Variants in USP46 observed in about 807,000 individuals in gnomAD.
The protein encoded by USP46 is ubiquitin specific peptidase 46, also known as ubiquitin carboxyl-terminal hydrolase 46.
Under a neutral mutation model 44.4 loss-of-function variants are expected in USP46, and 12 were observed. That is an observed-to-expected ratio of 0.27 (90% CI 0.17 to 0.44). The LOEUF is 0.44. USP46 is among the 20% of genes least tolerant of loss of function. The pLI is 1.00. For missense variants in USP46, 248 were observed against 444.8 expected, an observed-to-expected ratio of 0.56 and a Z score of 3.98; for synonymous variants, 155 against 161.5, an observed-to-expected ratio of 0.96 and a Z score of 0.31.
intron 5 of USP46, among the ~76,000 whole-genome samples, chr4:52,607,168 G>A (rs1423901787): frequency 2.6e-5 from 4 of 152,196 alleles, no homozygotes; most frequent in Admixed American, 2.6e-4. Flanking sequence ...GACCCAGACA[G>A]GTGGAAATAT....
At chr4:52,606,011 T>C (rs1716673805) in intron 5 of USP46, among the ~76,000 whole-genome samples, 1 of 152,214 alleles carries the variant, frequency 6.6e-6, no homozygotes. Context: ...CCCTATCACA[T>C]TGCCGTCTTA....
Position 52,627,888 on chromosome 4 carries a change from T to C in USP46, c.331+62A>G, listed in dbSNP as rs1001915767. ...ATGCCAGCTCTTCCTTTTGAGGAGATACAGAACCATCAATTCTCCTTATTT... is the reference window on the plus strand; with the variant it reads ...ATGCCAGCTCTTCCTTTTGAGGAGACACAGAACCATCAATTCTCCTTATTT... On this transcript the variant is annotated intron_variant, in intron 3 of 8. Coordinates refer to ENST00000441222, the MANE Select transcript of USP46 (RefSeq NM_022832.4). The C allele has an allele frequency of 1.6e-5, 24 of 1,523,996 alleles. No homozygotes were observed. The African/African-American group carries it at 2.7e-4, about 17-fold the overall frequency. 94.4% of individuals were successfully genotyped at this position (1,523,996 alleles called of 1,614,324 possible).
Position 52,628,179 on chromosome 4 carries a change from A to T in USP46, c.118-16T>A, listed in dbSNP as rs1324564135. 10 of 1,610,738 alleles carry T rather than the reference A, an allele frequency of 6.2e-6. No homozygotes were observed. In the South Asian group the frequency reaches 1.1e-4, roughly 18 times the overall value. ...TGTTTCCAAACTGCCAAGGGACAAGAGGGATGGCTCAAGTCATTGCCTGGG... is the reference window on the plus strand; with the variant it reads ...TGTTTCCAAACTGCCAAGGGACAAGTGGGATGGCTCAAGTCATTGCCTGGG... On this transcript the variant is annotated splice_polypyrimidine_tract_variant and intron_variant, in intron 2 of 8. Coordinates refer to ENST00000441222, the MANE Select transcript of USP46 (RefSeq NM_022832.4).
intron 1 of USP46, among the ~76,000 whole-genome samples, chr4:52,638,933 A>T (rs1249017828): frequency 1.3e-5 from 2 of 152,098 alleles, no homozygotes; most frequent in Non-Finnish European, 2.9e-5. Context: ...CTTCCCTTTT[A>T]TAGACACATA....
chr4:52,629,153 TTG>T lies in USP46; in HGVS notation c.118-992_118-991del, dbSNP rs538559759. 9.2e-5 allele frequency among the ~76,000 whole-genome samples: 14 copies of T among 152,378 alleles called. No homozygotes were observed. In the South Asian group the frequency reaches 2.9e-3, roughly 32 times the overall value. ...CACCTTCTCAAAACTGGTTGTTGGC[TTG>T]TGTGTCGTTTACCCAAGAGCGAGAC... is the stretch of plus-strand genomic sequence containing the variant. On this transcript the variant is annotated intron_variant, in intron 2 of 8. Coordinates refer to ENST00000441222, the MANE Select transcript of USP46 (RefSeq NM_022832.4).
chr4:52,656,513 A>T, intron 1 of USP46: 2 of 1,425,086 alleles, frequency 1.4e-6, no homozygotes, highest in South Asian at 3.1e-5. Flanking sequence ...GGAGGTGTTT[A>T]TATTAGTGGT....
chr4:52,633,002 G>GAAAGAAAAGA (rs1717969436), intron 1 of USP46, among the ~76,000 whole-genome samples: 1 of 117,026 alleles, frequency 8.5e-6, no homozygotes, highest in East Asian at 2.4e-4. Flanking sequence ...AAGAAAGAAA[G>GAAAGAAAAGA]AAAGAAAGAA....
In USP46 at chr4:52,615,025, G is replaced by T. The variant is rs948117616; in HGVS notation, c.562-4408C>A. On this transcript the variant is annotated intron_variant, in intron 4 of 8. Transcript: ENST00000441222. ...AAAATACACCCAGGCATGCGAAAAT[G>T]TACTCAGAAAAGATCAAGAGGAAAA... is the stretch of plus-strand genomic sequence containing the variant. Among the ~76,000 whole-genome samples, 12 of 151,952 alleles carry T rather than the reference G, an allele frequency of 7.9e-5. No individual in the cohort carries two copies. The South Asian group carries it at 8.3e-4, about 11-fold the overall frequency.
At chr4:52,653,975 G>A (rs933895426) in intron 1 of USP46, among the ~76,000 whole-genome samples, 25 of 152,318 alleles carry the variant, frequency 1.6e-4, no homozygotes, top group African/African-American at 6.0e-4. Context: ...TTTATGGTAT[G>A]AGTGAACTGA....
At chr4:52,644,719 T>A (rs1577694887) in intron 1 of USP46, among the ~76,000 whole-genome samples, 2 of 144,950 alleles carry the variant, frequency 1.4e-5, no homozygotes, top group South Asian at 4.4e-4. Flanking sequence ...GGGACCGCTA[T>A]CTTACATGAT....
At chr4:52,630,574 G>A (rs1414801761) in intron 2 of USP46, among the ~76,000 whole-genome samples, 1 of 151,882 alleles carries the variant, frequency 6.6e-6, no homozygotes, top group African/African-American at 2.4e-5. Context: ...GCAAAACCCT[G>A]TCTCTACTAA....
rs542424008 is a variant in USP46, at chr4:52,642,281, T to G, written c.37-11137A>C. 2.0e-5 allele frequency among the ~76,000 whole-genome samples: 3 copies of G among 152,374 alleles called. No individual in the cohort carries two copies. The East Asian group carries it at 5.8e-4, about 29-fold the overall frequency. On this transcript the variant is annotated intron_variant, in intron 1 of 8. Coordinates refer to ENST00000441222, the MANE Select transcript of USP46 (RefSeq NM_022832.4). ...CTGTTCTAGGGATTTTACTTGTATT[T>G]CATTCATTTTCATCTTCATAATAAC...
At chr4:52,643,003 T>C (rs1448353141) in intron 1 of USP46, among the ~76,000 whole-genome samples, 1 of 151,808 alleles carries the variant, frequency 6.6e-6, no homozygotes, top group Non-Finnish European at 1.5e-5. Flanking sequence ...CTTGGTAACA[T>C]AGCTTATCTC....
chr4:52,625,430 A>G (rs944956275), intron 4 of USP46, among the ~76,000 whole-genome samples: 3 of 152,194 alleles, frequency 2.0e-5, no homozygotes, highest in Non-Finnish European at 2.9e-5. Context: ...TAAACATGCC[A>G]AGAAAATATG....
intron 4 of USP46, among the ~76,000 whole-genome samples, chr4:52,611,405 G>C (rs1013532516): frequency 1.3e-5 from 2 of 152,212 alleles, no homozygotes; most frequent in African/African-American, 4.8e-5. Context: ...TGACAACCCT[G>C]GGGTTTTACT....
At chr4:52,599,638 A>G (rs1716383720) in intron 7 of USP46, among the ~76,000 whole-genome samples, 1 of 152,228 alleles carries the variant, frequency 6.6e-6, no homozygotes, top group Admixed American at 6.5e-5. Context: ...AAGGACAACT[A>G]AGCACCTGTT....
intron 5 of USP46, among the ~76,000 whole-genome samples, chr4:52,604,952 C>T (rs903299446): frequency 4.6e-5 from 7 of 152,068 alleles, no homozygotes; most frequent in African/African-American, 9.7e-5. Flanking sequence ...AAATTAAAAT[C>T]GTAATAGAAA....
Position 52,594,160 on chromosome 4 carries a change from C to T in USP46, c.*3480G>A, listed in dbSNP as rs1474354480. On this transcript the variant is annotated 3_prime_UTR_variant, in exon 9 of 9. Coordinates refer to ENST00000441222, the MANE Select transcript of USP46 (RefSeq NM_022832.4). ...TGTGTAGCATTACCCGGATATAATT[C>T]TCTAGAAAGAGAATTCCCATTTTAT... The T allele has an allele frequency of 6.6e-6, 1 of 152,158 alleles. No individual in the cohort carries two copies. The highest frequency in any genetic ancestry group is 1.5e-5 in the Non-Finnish European group (1 of 68,026). 9.4% of individuals were successfully genotyped at this position (152,158 alleles called of 1,614,324 possible).
Position 52,592,109 on chromosome 4 carries a change from A to G in USP46, c.*5531T>C, listed in dbSNP as rs1003373707. 5.3e-5 allele frequency: 8 copies of G among 152,188 alleles called. No individual in the cohort carries two copies. Among genetic ancestry groups the G allele is most frequent in the African/African-American group, 1.9e-4 (8 of 41,454 alleles). 9.4% of individuals were successfully genotyped at this position (152,188 alleles called of 1,614,324 possible). ...GAATACCAAACTGTGCTGAATTGCA[A>G]GGAGTTTCCCCCACACGTGTTATTT... On this transcript the variant is annotated 3_prime_UTR_variant, in exon 9 of 9. Transcript: ENST00000441222.
Sources: allele counts gnomAD v4.1 joint callset (sites outside exome capture counted in the v4.1 genomes callset), GRCh38; gene constraint gnomAD v4.1.1; transcripts MANE v1.5; gene names NCBI Gene and HGNC (gene_info 2026-07-23, HGNC 2026-07-21).